Variants in RTL10 observed in about 807,000 individuals in gnomAD.
The protein encoded by RTL10 is retrotransposon Gag like 10, also known as protein Bop.
For synonymous variants in RTL10, 199 were observed against 188.4 expected (o/e 1.06, Z -0.46); for missense variants, 477 against 470.7 (o/e 1.01, Z -0.12).
At position 19,846,991 on chromosome 22, in the gene RTL10, T is replaced by C. The variant is rs1397003630; in HGVS notation, c.*4176A>G. The stretch of plus-strand genomic sequence containing the variant: ...TCAGCAGCACCAACCAGCCCCACGC[T>C]GGGTGGCTGCTTGTACTTCTCCATA... On this transcript the variant is annotated 3_prime_UTR_variant, in exon 3 of 3. Coordinates refer to ENST00000328554, the MANE Select transcript of RTL10 (RefSeq NM_024627.6). 4 of 985,362 alleles carry C rather than the reference T, an allele frequency of 4.1e-6. No homozygotes were observed. The highest frequency in any genetic ancestry group is 4.8e-6 in the Non-Finnish European group (4 of 829,966). The allele number at this position is 985,362 out of a possible 1,614,324, so 61.0% of individuals were successfully genotyped here.
Position 19,852,277 on chromosome 22 carries a change from G to T in RTL10, c.-16C>A, listed in dbSNP as rs760676983. The T allele has an allele frequency of 1.3e-6, 2 of 1,584,548 alleles. No individual in the cohort carries two copies. Among genetic ancestry groups the T allele is most frequent in the South Asian group, 2.3e-5 (2 of 85,678 alleles). On this transcript the variant is annotated 5_prime_UTR_variant, in exon 3 of 3. Coordinates refer to ENST00000328554, the MANE Select transcript of RTL10 (RefSeq NM_024627.6). ...CACGAGGCATGCTGGGAGCACAGGG[G>T]AGAAGAGAGGAGAGCCAGCACTGGT... is the stretch of plus-strand genomic sequence containing the variant.
Position 19,850,952 on chromosome 22 carries a change from A to G in RTL10, c.*215T>C, listed in dbSNP as rs1000384144. On this transcript the variant is annotated 3_prime_UTR_variant, in exon 3 of 3. Transcript: ENST00000328554. Reference sequence around the variant, plus strand: ...GGCAGGGATGCAGCAGAGAGCCAGCAGCAGGGAAAGGGCACAGGGCGGAGG... The same window carrying G: ...GGCAGGGATGCAGCAGAGAGCCAGCGGCAGGGAAAGGGCACAGGGCGGAGG... 7.3e-7 allele frequency: 1 copy of G among 1,374,330 alleles called. No homozygotes were observed. The highest frequency in any genetic ancestry group is 9.4e-7 in the Non-Finnish European group (1 of 1,067,866). 85.1% of individuals were successfully genotyped at this position (1,374,330 alleles called of 1,614,324 possible). A position where few individuals can be genotyped will look rare whatever the true frequency, so the allele number is the denominator to read the frequency against.
rs1569058543 is a variant in RTL10, at chr22:19,851,845, G to A, written c.417C>T (p.Val139=). The A allele has an allele frequency of 1.2e-6, 2 of 1,613,970 alleles. No homozygotes were observed. Among genetic ancestry groups the A allele is most frequent in the East Asian group, 2.2e-5 (1 of 44,874 alleles). Reference sequence around the variant, plus strand: ...CTGTTAGGCGCCTGAGGATCTCGCAGACACGGCTGATGTTGTCCTGATAGT... The same window carrying A: ...CTGTTAGGCGCCTGAGGATCTCGCAAACACGGCTGATGTTGTCCTGATAGT... ...FEHYQDNISR[V]CEILRRLTGR... The change falls in exon 3 of 3, where the codon GTC becomes GTT. Residue 139 remains valine, a synonymous_variant. Transcript: ENST00000328554.
In RTL10 at chr22:19,851,727, C is replaced by A. The variant is rs1260106925; in HGVS notation, c.535G>T (p.Val179Phe). The change falls in exon 3 of 3, where the codon GTT becomes TTT. Residue 179 changes from valine to phenylalanine, a missense_variant. Val to Phe is a conservative substitution (Grantham distance 50). Coordinates refer to ENST00000328554, the MANE Select transcript of RTL10 (RefSeq NM_024627.6). ...TCAGCAAAACTGTTCGGGTCTTGAACAACTTCCTTGAGATCCTGGCAGAAG... is the reference window on the plus strand; with the variant it reads ...TCAGCAAAACTGTTCGGGTCTTGAAAAACTTCCTTGAGATCCTGGCAGAAG... ...ELFCQDLKEV[V>F]QDPNSFAEYH... The A allele has an allele frequency of 1.4e-5, 23 of 1,605,304 alleles. No homozygotes were observed. Among genetic ancestry groups the A allele is most frequent in the Non-Finnish European group, 2.0e-5 (23 of 1,173,610 alleles).
chr22:19,853,105 G>C (rs1210423443), intron 2 of RTL10, among the ~76,000 whole-genome samples: 1 of 152,030 alleles, frequency 6.6e-6, no homozygotes, highest in South Asian at 2.1e-4. Flanking sequence ...GCTCCCTCCT[G>C]ACCCCACATG....
rs1468350618 is a variant in RTL10 at position 19,847,803 on chromosome 22, G to GAAAATAAAAAAAAAAAAAAAAAAAAA, written c.*3363_*3364insTTTTTTTTTTTTTTTTTTTTTATTTT. The GAAAATAAAAAAAAAAAAAAAAAAAAA allele has an allele frequency of 2.3e-6, 1 of 437,876 alleles. No individual in the cohort carries two copies. Among genetic ancestry groups the GAAAATAAAAAAAAAAAAAAAAAAAAA allele is most frequent in the African/African-American group, 4.5e-5 (1 of 22,340 alleles). The allele number at this position is 437,876 out of a possible 1,614,324, so 27.1% of individuals were successfully genotyped here. On this transcript the variant is annotated 3_prime_UTR_variant, in exon 3 of 3. Transcript: ENST00000328554. ...AACTTTTAAAATCCTGGAATCATAG[G>GAAAATAAAAAAAAAAAAAAAAAAAAA]CAAAAAAAAAAAAAAAAAAAAATTC...
At position 19,847,273 on chromosome 22, in the gene RTL10, G is replaced by A; in HGVS notation, c.*3894C>T. ...ATAAGCAGTGCCAACTGTAGCCGCTGCGCTGTTGGAGATCTTTGTTACTGC... is the reference window on the plus strand; with the variant it reads ...ATAAGCAGTGCCAACTGTAGCCGCTACGCTGTTGGAGATCTTTGTTACTGC... On this transcript the variant is annotated 3_prime_UTR_variant, in exon 3 of 3. Coordinates refer to ENST00000328554, the MANE Select transcript of RTL10 (RefSeq NM_024627.6). 1.0e-6 allele frequency: 1 copy of A among 984,642 alleles called. No individual in the cohort carries two copies. Among genetic ancestry groups the A allele is most frequent in the Non-Finnish European group, 1.2e-6 (1 of 829,158 alleles). The allele number at this position is 984,642 out of a possible 1,614,324, so 61.0% of individuals were successfully genotyped here.
chr22:19,847,419 A>T lies in RTL10; in HGVS notation c.*3748T>A. 3.0e-6 allele frequency: 3 copies of T among 984,784 alleles called. No individual in the cohort carries two copies. The highest frequency in any genetic ancestry group is 3.6e-6 in the Non-Finnish European group (3 of 829,336). 61.0% of individuals were successfully genotyped at this position (984,784 alleles called of 1,614,324 possible). A position where few individuals can be genotyped will look rare whatever the true frequency, so the allele number is the denominator to read the frequency against. On this transcript the variant is annotated 3_prime_UTR_variant, in exon 3 of 3. Transcript: ENST00000328554. Reference sequence around the variant, plus strand: ...TGTTCAAAAAACAGTGACACCCATGAGGTGGGTGTTAGAGGGCCCAGACCC... The same window carrying T: ...TGTTCAAAAAACAGTGACACCCATGTGGTGGGTGTTAGAGGGCCCAGACCC...
In RTL10 at chr22:19,848,481, AAGG is replaced by A; in HGVS notation, c.*2683_*2685del. 3.0e-6 allele frequency: 3 copies of A among 985,488 alleles called. No individual in the cohort carries two copies. Among genetic ancestry groups the A allele is most frequent in the Middle Eastern group, 5.2e-4 (1 of 1,914 alleles). 61.0% of individuals were successfully genotyped at this position (985,488 alleles called of 1,614,324 possible). On this transcript the variant is annotated 3_prime_UTR_variant, in exon 3 of 3. Coordinates refer to ENST00000328554, the MANE Select transcript of RTL10 (RefSeq NM_024627.6). ...GCAGCTGGCAACAAAGCCACTCTGA[AAGG>A]AGCTGTGTGCACTGCCTGTCTGGAA...
At chr22:19,853,985 C>T (rs1938174164) in intron 2 of RTL10, among the ~76,000 whole-genome samples, 1 of 152,208 alleles carries the variant, frequency 6.6e-6, no homozygotes. Flanking sequence ...CCCTACCCTG[C>T]CCACTCACCT....
intron 2 of RTL10, among the ~76,000 whole-genome samples, 187 bp from the exon 3 acceptor site, chr22:19,852,673 C>G (rs3788304): frequency 0.16 from 23,895 of 152,126 alleles, 2,351 homozygotes; most frequent in Middle Eastern, 0.24. Flanking sequence ...ATTGCAAGGG[C>G]AAGGCAGAAT....
At position 19,850,468 on chromosome 22, in the gene RTL10, G is replaced by T; in HGVS notation, c.*699C>A. ...CTTCAGAACACCAGGCACGATTAGA[G>T]CTACAGTGTTAACACACAAAGGGCG... On this transcript the variant is annotated 3_prime_UTR_variant, in exon 3 of 3. Transcript: ENST00000328554. 1 of 1,009,984 alleles carries T rather than the reference G, an allele frequency of 9.9e-7. No homozygotes were observed. The highest frequency in any genetic ancestry group is 1.2e-6 in the Non-Finnish European group (1 of 846,680). 62.6% of individuals were successfully genotyped at this position (1,009,984 alleles called of 1,614,324 possible).
chr22:19,853,573 A>G (rs985968118), intron 2 of RTL10, among the ~76,000 whole-genome samples: 3 of 152,138 alleles, frequency 2.0e-5, no homozygotes, highest in African/African-American at 7.2e-5. Flanking sequence ...TTCATCCCAC[A>G]TCTCCTATCT....
At position 19,848,723 on chromosome 22, in the gene RTL10, A is replaced by C. The variant is rs1006515037; in HGVS notation, c.*2444T>G. 1 of 985,402 alleles carries C rather than the reference A, an allele frequency of 1.0e-6. No individual in the cohort carries two copies. Among genetic ancestry groups the C allele is most frequent in the South Asian group, 4.7e-5 (1 of 21,288 alleles). The allele number at this position is 985,402 out of a possible 1,614,324, so 61.0% of individuals were successfully genotyped here. A position where few individuals can be genotyped will look rare whatever the true frequency, so the allele number is the denominator to read the frequency against. ...CTGGCCCTCAGACACACGGCAGACC[A>C]TAACTCACACACCCCCAGGAGCTGC... On this transcript the variant is annotated 3_prime_UTR_variant, in exon 3 of 3. Coordinates refer to ENST00000328554, the MANE Select transcript of RTL10 (RefSeq NM_024627.6).
chr22:19,846,615 T>A lies in RTL10; in HGVS notation c.*4552A>T, dbSNP rs145121388. The A allele has an allele frequency of 8.1e-4, 747 of 927,242 alleles. 4 individuals carry two copies. In the African/African-American group the frequency reaches 0.012, roughly 15 times the overall value. 57.4% of individuals were successfully genotyped at this position (927,242 alleles called of 1,614,324 possible). ...TCCCTTCAATATTTTTATGTTCAAG[T>A]CCTAACCCCTAGTACTTACATTTGA... On this transcript the variant is annotated 3_prime_UTR_variant, in exon 3 of 3. Coordinates refer to ENST00000328554, the MANE Select transcript of RTL10 (RefSeq NM_024627.6).
chr22:19,852,528 A>C, intron 2 of RTL10, 42 bp from the exon 3 acceptor site: 1 of 470,430 alleles, frequency 2.1e-6, no homozygotes, highest in Non-Finnish European at 3.8e-6. Flanking sequence ...ACTAGGCCTA[A>C]CCATCACCCA....
At position 19,849,904 on chromosome 22, in the gene RTL10, G is replaced by C. The variant is rs998717574; in HGVS notation, c.*1263C>G. On this transcript the variant is annotated 3_prime_UTR_variant, in exon 3 of 3. Transcript: ENST00000328554. Reference sequence around the variant, plus strand: ...TATCCTGTGGTAAACTTGGCTCCAGGAGCTTCCAAGCTCAGCTTCCACTAG... The same window carrying C: ...TATCCTGTGGTAAACTTGGCTCCAGCAGCTTCCAAGCTCAGCTTCCACTAG... The C allele has an allele frequency of 2.0e-5, 20 of 985,380 alleles. No homozygotes were observed. The highest frequency in any genetic ancestry group is 2.4e-5 in the Non-Finnish European group (20 of 830,006). The allele number at this position is 985,380 out of a possible 1,614,324, so 61.0% of individuals were successfully genotyped here.
rs143975638 is a variant in RTL10 at position 19,851,234 on chromosome 22, C to T, written c.1028G>A (p.Gly343Asp). The T allele has an allele frequency of 9.1e-5, 146 of 1,601,444 alleles. No homozygotes were observed. The highest frequency in any genetic ancestry group is 1.2e-4 in the Non-Finnish European group (145 of 1,173,528). ...ETEGDQEVSL[G>D]TPQEVVEAPE... ...GGCCTCCACCACCTCCTGTGGGGTA[C>T]CTAAGGACACCTCCTGGTCTCCCTC... Residue 343 changes from glycine to aspartate, a missense_variant, in exon 3 of 3, where the codon GGT becomes GAT. Physicochemically the swap from Gly to Asp is moderately conservative, Grantham distance 94. Transcript: ENST00000328554.
intron 2 of RTL10, among the ~76,000 whole-genome samples, chr22:19,853,348 G>T (rs1938154613): frequency 6.6e-6 from 1 of 152,102 alleles, no homozygotes; most frequent in Non-Finnish European, 1.5e-5. Context: ...TCTCCACGCA[G>T]CAGTCACCTA....
Sources: gnomAD v4.1 joint callset for allele counts (sites outside exome capture counted in the v4.1 genomes callset) on GRCh38, gnomAD v4.1.1 for gene constraint, MANE v1.5 for transcripts, NCBI Gene and HGNC (gene_info 2026-07-23, HGNC 2026-07-21) for gene names.